ALOX5: variants seen among roughly 807,000 people sequenced by gnomAD.
ALOX5 encodes the protein arachidonate 5-lipoxygenase, also known as polyunsaturated fatty acid 5-lipoxygenase.
ALOX5 carries 64 observed loss-of-function variants against 87.9 expected under a neutral mutation model. The ratio of observed to expected loss-of-function variants is 0.73; its 90% CI spans 0.60 to 0.90. ALOX5 has a LOEUF of 0.90. Among genes scored for constraint, ALOX5 ranks in the 40% least tolerant of loss-of-function variants. ALOX5 has a pLI of 0.00. For synonymous variants in ALOX5, 388 were observed against 355.1 expected, an observed-to-expected ratio of 1.09 and a Z score of -1.04; for missense variants, 822 against 907.5, an observed-to-expected ratio of 0.91 and a Z score of 1.21.
chr10:45,393,047 C>T (rs1015414629), intron 2 of ALOX5, among the ~76,000 whole-genome samples: 2 of 152,198 alleles, frequency 1.3e-5, no homozygotes, highest in Non-Finnish European at 2.9e-5. Context: ...GGTACCATTC[C>T]TTCTGAAACT....
At chr10:45,381,636 C>T (rs1381866955) in intron 1 of ALOX5, among the ~76,000 whole-genome samples, 1 of 152,246 alleles carries the variant, frequency 6.6e-6, no homozygotes, top group Non-Finnish European at 1.5e-5. Flanking sequence ...CCTCACTGGG[C>T]ACAGCCTCGC....
chr10:45,435,568 C>T (rs1464280993), intron 7 of ALOX5, among the ~76,000 whole-genome samples: 2 of 152,184 alleles, frequency 1.3e-5, no homozygotes, highest in African/African-American at 4.8e-5. Context: ...GGCTTAAGTG[C>T]CAATCCTAAG....
intron 4 of ALOX5, among the ~76,000 whole-genome samples, chr10:45,413,435 A>T (rs567730175): frequency 2.0e-5 from 3 of 152,216 alleles, no homozygotes; most frequent in African/African-American, 7.2e-5. Context: ...TATTGATGGG[A>T]TGTATCTCAA....
intron 3 of ALOX5, among the ~76,000 whole-genome samples, chr10:45,406,126 ATCTG>A (rs1244284317): frequency 6.6e-6 from 1 of 152,122 alleles, no homozygotes; most frequent in Non-Finnish European, 1.5e-5. Flanking sequence ...AAGTTGTTTA[ATCTG>A]TCTGTGCCTC....
chr10:45,379,571 C>T (rs1839756438), intron 1 of ALOX5, among the ~76,000 whole-genome samples: 1 of 152,188 alleles, frequency 6.6e-6, no homozygotes, highest in Admixed American at 6.5e-5. Context: ...CACATGTAGT[C>T]ACGAAGTGGC....
chr10:45,443,969 C>T (rs1224814903), intron 12 of ALOX5, 141 bp downstream of exon 12: 1 of 1,431,370 alleles, frequency 7.0e-7, no homozygotes, highest in Non-Finnish European at 9.3e-7. Context: ...TCTGCCCGCT[C>T]AGCCAAGGGC....
intron 3 of ALOX5, among the ~76,000 whole-genome samples, chr10:45,409,905 C>G (rs906000107): frequency 2.0e-5 from 3 of 152,280 alleles, no homozygotes; most frequent in Non-Finnish European, 4.4e-5. Context: ...GTGAGGCCAT[C>G]ATCTTCTAAC....
At chr10:45,398,439 A>G (rs1470540995) in intron 3 of ALOX5, among the ~76,000 whole-genome samples, 1 of 152,240 alleles carries the variant, frequency 6.6e-6, no homozygotes, top group Non-Finnish European at 1.5e-5. Flanking sequence ...TTTGGATTTG[A>G]CAAAGGACTC....
rs184973589 is a variant in ALOX5, at chr10:45,377,836, C to G, written c.150+3407C>G. On this transcript the variant is annotated intron_variant, in intron 1 of 13. Transcript: ENST00000374391. The stretch of plus-strand genomic sequence containing the variant: ...TTTCCTAAAATGCTGATAGAAAGCT[C>G]ACATGAAAACTGACCAACTGACTCT... Among the ~76,000 whole-genome samples the G allele has an allele frequency of 1.1e-3, 168 of 152,332 alleles. 1 individual carries two copies. The highest frequency in any genetic ancestry group is 6.8e-3 in the Middle Eastern group (2 of 294).
chr10:45,428,829 G>C, intron 7 of ALOX5, 65 bp downstream of exon 7: 1 of 1,584,278 alleles, frequency 6.3e-7, no homozygotes, highest in Non-Finnish European at 8.6e-7. Flanking sequence ...GCTCCTGGGT[G>C]GCTCCATTCA....
At chr10:45,392,814 A>G (rs1183429995) in intron 2 of ALOX5, among the ~76,000 whole-genome samples, 1 of 152,242 alleles carries the variant, frequency 6.6e-6, no homozygotes, top group African/African-American at 2.4e-5. Flanking sequence ...ATCAGAGAAT[A>G]CTATAAACAA....
intron 10 of ALOX5, 90 bp downstream of exon 10, chr10:45,443,306 C>T: frequency 6.3e-7 from 1 of 1,580,804 alleles, no homozygotes; most frequent in South Asian, 1.2e-5. Context: ...ACCGCTAGCG[C>T]TGAATGGGGA....
At chr10:45,440,229 G>C (rs781545895) in intron 7 of ALOX5, among the ~76,000 whole-genome samples, 6 of 152,222 alleles carry the variant, frequency 3.9e-5, no homozygotes, top group Admixed American at 6.5e-5. Flanking sequence ...GTGTCATCCA[G>C]AGTCATGCAG....
intron 1 of ALOX5, among the ~76,000 whole-genome samples, chr10:45,379,845 G>C (rs1839766520): frequency 6.6e-6 from 1 of 152,144 alleles, no homozygotes; most frequent in Admixed American, 6.5e-5. Context: ...CCTGAAGCTG[G>C]GATGTGAATT....
chr10:45,398,992 C>T (rs1840607508), intron 3 of ALOX5, among the ~76,000 whole-genome samples: 1 of 152,134 alleles, frequency 6.6e-6, no homozygotes, highest in Admixed American at 6.5e-5. Context: ...TATGCCCACA[C>T]AAAAACTTGT....
chr10:45,395,174 C>G (rs993440547), intron 2 of ALOX5, among the ~76,000 whole-genome samples: 4 of 152,142 alleles, frequency 2.6e-5, no homozygotes, highest in African/African-American at 9.7e-5. Context: ...TATTGCAGCA[C>G]TATTCACAAT....
At chr10:45,409,958 C>T (rs1327218401) in intron 3 of ALOX5, among the ~76,000 whole-genome samples, 1 of 152,274 alleles carries the variant, frequency 6.6e-6, no homozygotes, top group African/African-American at 2.4e-5. Context: ...TGCCACCCTC[C>T]ATAGACCAGG....
chr10:45,435,866 C>T (rs1842047717), intron 7 of ALOX5, among the ~76,000 whole-genome samples: 1 of 152,224 alleles, frequency 6.6e-6, no homozygotes, highest in Admixed American at 6.5e-5. Context: ...AACTGCTTTC[C>T]ACAGGGATGG....
intron 4 of ALOX5, among the ~76,000 whole-genome samples, chr10:45,422,334 C>T (rs141780484): frequency 7.2e-5 from 11 of 152,168 alleles, no homozygotes; most frequent in African/African-American, 2.2e-4. Context: ...TCCCTGACTC[C>T]CCAGCTTTCC....
Sources: allele counts gnomAD v4.1 joint callset (sites outside exome capture counted in the v4.1 genomes callset), GRCh38; gene constraint gnomAD v4.1.1; transcripts MANE v1.5; gene names NCBI Gene and HGNC (gene_info 2026-07-23, HGNC 2026-07-21).